Variants in XIRP2 observed in about 807,000 individuals in gnomAD.
The protein encoded by XIRP2 is xin actin-binding repeat-containing protein 2.
XIRP2 carries 236 observed loss-of-function variants against 277.0 expected under a neutral mutation model. The observed-to-expected ratio is 0.85, with a 90% CI of 0.77 to 0.95. XIRP2 has a LOEUF of 0.95. Ranked by LOEUF, XIRP2 falls within the 40% of genes least tolerant of loss-of-function variation. The pLI, the probability that XIRP2 is intolerant of heterozygous loss-of-function variation, is 0.00. For missense variants in XIRP2, 4,640 were observed against 4,157.5 expected (o/e 1.12, Z -3.19); for synonymous variants, 1,490 against 1,416.5 (o/e 1.05, Z -1.17).
intron 1 of XIRP2, among the ~76,000 whole-genome samples, chr2:166,890,891 G>T (rs896029887): frequency 1.3e-5 from 2 of 152,152 alleles, no homozygotes; most frequent in Admixed American, 1.3e-4. Flanking sequence ...GGAAACAAAA[G>T]CTGCTTCAAT....
At chr2:167,142,355 C>G (rs755045684) in intron 3 of XIRP2, among the ~76,000 whole-genome samples, 2 of 152,046 alleles carry the variant, frequency 1.3e-5, no homozygotes, top group Admixed American at 6.6e-5. Flanking sequence ...TGAGACCAGC[C>G]TGGCCAACAT....
chr2:167,209,632 A>G (rs1348773905), intron 3 of XIRP2, among the ~76,000 whole-genome samples: 1 of 152,102 alleles, frequency 6.6e-6, no homozygotes, highest in Non-Finnish European at 1.5e-5. Flanking sequence ...ACTCATATAC[A>G]AAAGCACATG....
intron 2 of XIRP2, among the ~76,000 whole-genome samples, chr2:167,111,254 G>A (rs1056524167): frequency 6.6e-6 from 1 of 152,096 alleles, no homozygotes; most frequent in African/African-American, 2.4e-5. Flanking sequence ...CCTTATGCTG[G>A]TTTTCAAGAG....
At chr2:167,053,599 A>G (rs1302311819) in intron 2 of XIRP2, among the ~76,000 whole-genome samples, 1 of 152,136 alleles carries the variant, frequency 6.6e-6, no homozygotes, top group Non-Finnish European at 1.5e-5. Context: ...AGATATAATT[A>G]CCTTATTTTT....
chr2:166,889,759 T>C (rs1337962882), intron 1 of XIRP2: 1 of 146,532 alleles, frequency 6.8e-6, no homozygotes, highest in South Asian at 2.2e-4. Flanking sequence ...TGTTGATGAG[T>C]CCTTCCATGC....
In XIRP2 at chr2:167,259,397, C is replaced by T. The variant is rs1224467280; in HGVS notation, c.*1580C>T. 1 of 1,536,052 alleles carries T rather than the reference C, an allele frequency of 6.5e-7. No homozygotes were observed. Among genetic ancestry groups the T allele is most frequent in the Admixed American group, 2.2e-5 (1 of 45,900 alleles). ...TGGCCACTGACAGTCCACACTTAGG[C>T]ACTGAGAGATATTGATGTTCTGAAA... On this transcript the variant is annotated 3_prime_UTR_variant, in exon 11 of 11. Transcript: ENST00000409195.
chr2:167,019,774 A>C (rs116054842), intron 2 of XIRP2, among the ~76,000 whole-genome samples: 47 of 152,200 alleles, frequency 3.1e-4, no homozygotes, highest in African/African-American at 1.1e-3. Flanking sequence ...AATATCAGTA[A>C]AAGAGATACA....
intron 2 of XIRP2, among the ~76,000 whole-genome samples, chr2:167,033,390 A>G (rs1433926951): frequency 6.6e-6 from 1 of 152,080 alleles, no homozygotes; most frequent in African/African-American, 2.4e-5. Flanking sequence ...TATACCTGTG[A>G]AATAAACATG....
At chr2:166,935,930 T>A (rs1009390211) in intron 2 of XIRP2, among the ~76,000 whole-genome samples, 1 of 152,220 alleles carries the variant, frequency 6.6e-6, no homozygotes, top group Non-Finnish European at 1.5e-5. Flanking sequence ...ATATACCCAG[T>A]AATGGGATGG....
chr2:167,037,445 C>T (rs1185002634), intron 2 of XIRP2, among the ~76,000 whole-genome samples: 1 of 151,824 alleles, frequency 6.6e-6, no homozygotes, highest in Admixed American at 6.6e-5. Flanking sequence ...AGAAATGGCA[C>T]CAAGCCTATC....
At chr2:167,242,043 T>C in intron 8 of XIRP2, 133 bp downstream of exon 8, 1 of 1,165,188 alleles carries the variant, frequency 8.6e-7, no homozygotes, top group Non-Finnish European at 1.1e-6. Flanking sequence ...TATTCAGTTC[T>C]GTAAGGAGAA....
intron 3 of XIRP2, among the ~76,000 whole-genome samples, chr2:167,168,160 G>A (rs1692579539): frequency 6.6e-6 from 1 of 152,014 alleles, no homozygotes; most frequent in South Asian, 2.1e-4. Context: ...CTTCTTTCAG[G>A]ATTTTTTCTT....
At chr2:166,937,543 G>T (rs995668014) in intron 2 of XIRP2, among the ~76,000 whole-genome samples, 1 of 152,120 alleles carries the variant, frequency 6.6e-6, no homozygotes, top group African/African-American at 2.4e-5. Context: ...CAGGGATATT[G>T]GTCTAAAATT....
At chr2:167,198,840 C>T (rs932683167) in intron 3 of XIRP2, among the ~76,000 whole-genome samples, 3 of 152,122 alleles carry the variant, frequency 2.0e-5, no homozygotes, top group African/African-American at 7.2e-5. Context: ...GTGTGGCTTC[C>T]TTTCTTTGAT....
intron 2 of XIRP2, among the ~76,000 whole-genome samples, chr2:166,977,450 A>T (rs960395327): frequency 6.6e-6 from 1 of 152,168 alleles, no homozygotes. Flanking sequence ...AATTTGGAAG[A>T]TATTTATAGT....
At chr2:166,946,058 C>A (rs1685854386) in intron 2 of XIRP2, among the ~76,000 whole-genome samples, 1 of 152,116 alleles carries the variant, frequency 6.6e-6, no homozygotes, top group African/African-American at 2.4e-5. Flanking sequence ...CTTTGGTTAT[C>A]TTTTCTATGG....
At chr2:167,154,889 T>C (rs1387051472) in intron 3 of XIRP2, among the ~76,000 whole-genome samples, 9 of 151,676 alleles carry the variant, frequency 5.9e-5, no homozygotes, top group Admixed American at 1.3e-4. Flanking sequence ...ATCAAATAGA[T>C]GCAAGAAAAA....
intron 2 of XIRP2, among the ~76,000 whole-genome samples, chr2:166,997,652 A>G (rs1687258982): frequency 6.6e-6 from 1 of 152,132 alleles, no homozygotes; most frequent in Non-Finnish European, 1.5e-5. Context: ...CACGCCTGTA[A>G]TCTCAGCACT....
At chr2:167,211,038 G>A (rs1292354261) in intron 4 of XIRP2, 143 bp downstream of exon 4, 8 of 1,015,402 alleles carry the variant, frequency 7.9e-6, no homozygotes, top group Admixed American at 2.8e-5. Flanking sequence ...AATAAATCCA[G>A]ACTATCTGAA....
Sources: allele counts gnomAD v4.1 joint callset (sites outside exome capture counted in the v4.1 genomes callset), GRCh38; gene constraint gnomAD v4.1.1; transcripts MANE v1.5; gene names NCBI Gene and HGNC (gene_info 2026-07-23, HGNC 2026-07-21).